HACL1: variants seen among roughly 807,000 people sequenced by gnomAD.
The protein encoded by HACL1 is 1600020H07Rik.
Under a neutral mutation model 74.2 loss-of-function variants are expected in HACL1, and 64 were observed. The ratio of observed to expected loss-of-function variants is 0.86; its 90% CI spans 0.70 to 1.06. The LOEUF (loss-of-function observed/expected upper bound fraction) is 1.06, where lower values mean the gene tolerates loss of function less well. Ranked by LOEUF, HACL1 falls within the 50% of genes least tolerant of loss-of-function variation. The pLI is 0.00. For missense variants in HACL1, 728 were observed against 719.7 expected, an observed-to-expected ratio of 1.01 and a Z score of -0.13; for synonymous variants, 230 against 238.8, an observed-to-expected ratio of 0.96 and a Z score of 0.34.
intron 3 of HACL1, among the ~76,000 whole-genome samples, chr3:15,592,501 CTTGTATATACACTT>C (rs2063952216): frequency 7.6e-5 from 11 of 144,920 alleles, no homozygotes; most frequent in African/African-American, 2.5e-4. Context: ...TACATATACA[CTTGTATATACACTT>C]GTATACATAT....
chr3:15,586,988 T>C (rs534577803), intron 5 of HACL1, among the ~76,000 whole-genome samples: 8 of 152,318 alleles, frequency 5.3e-5, no homozygotes, highest in Admixed American at 3.9e-4. Context: ...AATATAAAAC[T>C]TCATCTGTTA....
At chr3:15,566,030 A>G (rs961168099) in intron 14 of HACL1, among the ~76,000 whole-genome samples, 9 of 152,346 alleles carry the variant, frequency 5.9e-5, no homozygotes, top group African/African-American at 2.2e-4. Context: ...GCACAATTTT[A>G]TATCAGGGAC....
At chr3:15,595,604 C>CTTTTTTTTTTTTTT (rs764183329) in intron 3 of HACL1, among the ~76,000 whole-genome samples, 2 of 97,338 alleles carry the variant, frequency 2.1e-5, no homozygotes, top group Non-Finnish European at 2.0e-5. Flanking sequence ...ATCTTTTTTC[C>CTTTTTTTTTTTTTT]TTTTTTTTTT....
At chr3:15,562,422 A>C (rs1199694978) in intron 16 of HACL1, among the ~76,000 whole-genome samples, 1 of 152,218 alleles carries the variant, frequency 6.6e-6, no homozygotes, top group East Asian at 1.9e-4. Context: ...TTTTACACAA[A>C]TAGAATTTCA....
chr3:15,573,290 A>T (rs2063569456), intron 10 of HACL1, 48 bp from the exon 11 acceptor site: 2 of 1,086,134 alleles, frequency 1.8e-6, no homozygotes, highest in South Asian at 2.5e-5. Flanking sequence ...ATTCTGAAAA[A>T]TATGTAAGAA....
At chr3:15,592,046 C>T (rs1331356794) in intron 3 of HACL1, among the ~76,000 whole-genome samples, 8 of 124,800 alleles carry the variant, frequency 6.4e-5, no homozygotes, top group African/African-American at 2.1e-4. Context: ...TATATACACA[C>T]ACTATATACG....
At chr3:15,597,498 T>C (rs1314023554) in intron 2 of HACL1, among the ~76,000 whole-genome samples, 1 of 148,616 alleles carries the variant, frequency 6.7e-6, no homozygotes, top group Non-Finnish European at 1.5e-5. Context: ...GTCTGGGACA[T>C]CATTTTTTTC....
chr3:15,597,518 T>A (rs1026548259), intron 2 of HACL1, among the ~76,000 whole-genome samples: 1 of 151,910 alleles, frequency 6.6e-6, no homozygotes, highest in African/African-American at 2.4e-5. Flanking sequence ...CCCAGTATTA[T>A]TTCTTCTCAT....
At chr3:15,562,804 T>C (rs1279026152) in intron 16 of HACL1, among the ~76,000 whole-genome samples, 1 of 152,224 alleles carries the variant, frequency 6.6e-6, no homozygotes, top group Non-Finnish European at 1.5e-5. Flanking sequence ...TAATTTTGAA[T>C]GTACCTGCAC....
In HACL1 at chr3:15,601,372, G is replaced by A; in HGVS notation, c.81+11C>T. The A allele has an allele frequency of 1.9e-6, 3 of 1,614,070 alleles. No individual in the cohort carries two copies. Among genetic ancestry groups the A allele is most frequent in the Middle Eastern group, 1.6e-4 (1 of 6,062 alleles). On this transcript the variant is annotated intron_variant, in intron 1 of 16. Transcript: ENST00000321169. ...CGTAGGAGCCTTTCATTCCAGGAAG[G>A]TCCATCGTACTTGCGTTTTCAGGGC... is the stretch of plus-strand genomic sequence containing the variant.
At chr3:15,596,932 G>A (rs2064077888) in intron 2 of HACL1, among the ~76,000 whole-genome samples, 1 of 151,954 alleles carries the variant, frequency 6.6e-6, no homozygotes, top group Non-Finnish European at 1.5e-5. Context: ...TACAAATTTA[G>A]AACACTGGTT....
chr3:15,592,380 GTA>G (rs1275802762), intron 3 of HACL1, among the ~76,000 whole-genome samples: 2 of 148,520 alleles, frequency 1.3e-5, no homozygotes, highest in Non-Finnish European at 3.0e-5. Context: ...ACAGACACAC[GTA>G]TACACACACG....
chr3:15,566,814 A>AC (rs2063441939), intron 14 of HACL1, among the ~76,000 whole-genome samples: 2 of 117,418 alleles, frequency 1.7e-5, no homozygotes, highest in Non-Finnish European at 3.5e-5. Context: ...TGGTTAAGTG[A>AC]CTTTTTTTTT....
At chr3:15,588,704 C>A (rs1390904290) in intron 5 of HACL1, among the ~76,000 whole-genome samples, 1 of 152,088 alleles carries the variant, frequency 6.6e-6, no homozygotes, top group Admixed American at 6.5e-5. Flanking sequence ...CCTCCTCAGC[C>A]TAGTAGCTGA....
intron 3 of HACL1, 128 bp from the exon 4 acceptor site, chr3:15,591,808 AAC>A: frequency 1.8e-6 from 1 of 569,162 alleles, no homozygotes; most frequent in South Asian, 2.1e-5. Flanking sequence ...TAACTGATAA[AAC>A]AATTATTAGA....
chr3:15,588,136 T>A lies in HACL1; in HGVS notation c.381+1404A>T, dbSNP rs151160185. ...CTCAAACTCCTGACCTCAGGTGATC[T>A]ACACGCTTGGGGCTCCCAAAGTGCT... is the stretch of plus-strand genomic sequence containing the variant. On this transcript the variant is annotated intron_variant, in intron 5 of 16. Transcript: ENST00000321169. Among the ~76,000 whole-genome samples, 84 of 152,264 alleles carry A rather than the reference T, an allele frequency of 5.5e-4. 2 individuals are homozygous for A. In the East Asian group the frequency reaches 7.2e-3, roughly 13 times the overall value.
rs1204238593 is a variant in HACL1, at chr3:15,579,950, G to A, written c.763C>T (p.Pro255Ser). ...LPTPMGKGVV[P>S]DNHPYCVGAA... is the part of the protein sequence containing the mutation. ...CCTACACAGTATGGATGGTTGTCAG[G>A]GACAACACCCTTCCCCATAGGGGTG... The change falls in exon 9 of 17, where the codon CCT becomes TCT. Residue 255 changes from proline to serine, a missense_variant. Transcript: ENST00000321169. The A allele has an allele frequency of 1.2e-6, 2 of 1,610,728 alleles. No individual in the cohort carries two copies. Among genetic ancestry groups the A allele is most frequent in the Non-Finnish European group, 8.5e-7 (1 of 1,177,148 alleles).
intron 14 of HACL1, among the ~76,000 whole-genome samples, chr3:15,566,231 T>C (rs374561145): frequency 1.3e-5 from 2 of 152,176 alleles, no homozygotes; most frequent in East Asian, 1.9e-4. Flanking sequence ...TTACTACAGT[T>C]TAAATATAGC....
At chr3:15,574,002 A>G (rs1357318149) in intron 10 of HACL1, among the ~76,000 whole-genome samples, 1 of 152,174 alleles carries the variant, frequency 6.6e-6, no homozygotes, top group Non-Finnish European at 1.5e-5. Flanking sequence ...CTGGGAAAGG[A>G]GCAATTAGAA....
Sources: gnomAD v4.1 joint callset for allele counts (sites outside exome capture counted in the v4.1 genomes callset) on GRCh38, gnomAD v4.1.1 for gene constraint, MANE v1.5 for transcripts, NCBI Gene and HGNC (gene_info 2026-07-23, HGNC 2026-07-21) for gene names.